DPP10: variants seen among roughly 807,000 people sequenced by gnomAD.
DPP10 encodes inactive dipeptidyl peptidase 10.
In DPP10, 33 loss-of-function variants were observed where a neutral mutation model predicts 120.9. The observed-to-expected ratio is 0.27, with a 90% CI of 0.21 to 0.37. The LOEUF is 0.37. Among genes scored for constraint, DPP10 ranks in the 10% least tolerant of loss-of-function variants. The pLI, the probability that DPP10 is intolerant of heterozygous loss-of-function variation, is 1.00. For missense variants in DPP10, 816 were observed against 942.8 expected, an observed-to-expected ratio of 0.87 and a Z score of 1.76; for synonymous variants, 337 against 326.1, an observed-to-expected ratio of 1.03 and a Z score of -0.36.
rs1036419601 is a variant in DPP10 at position 114,554,250 on chromosome 2, T to C, written c.60+111412T>C. On this transcript the variant is annotated intron_variant, in intron 1 of 25. Transcript: ENST00000410059. ...CAAGATACCTTAAGGGGCTTTCTCC[T>C]TAAGATGTCAACAACATCCACTGAG... is the stretch of plus-strand genomic sequence containing the variant. Among the ~76,000 whole-genome samples, 10 of 152,202 alleles carry C rather than the reference T, an allele frequency of 6.6e-5. 1 individual carries two copies. Among genetic ancestry groups the C allele is most frequent in the Admixed American group, 6.5e-4 (10 of 15,284 alleles).
At chr2:114,838,641 T>G (rs1687924150) in intron 1 of DPP10, among the ~76,000 whole-genome samples, 1 of 152,216 alleles carries the variant, frequency 6.6e-6, no homozygotes, top group Non-Finnish European at 1.5e-5. Flanking sequence ...TTTTAAAGTC[T>G]GATTTTTAAA....
chr2:114,999,495 A>C (rs1481966839), intron 1 of DPP10, among the ~76,000 whole-genome samples: 1 of 152,158 alleles, frequency 6.6e-6, no homozygotes, highest in Non-Finnish European at 1.5e-5. Flanking sequence ...AAGTTCTTAC[A>C]ACACCCTTGA....
At chr2:115,497,871 C>A (rs944653220) in intron 3 of DPP10, among the ~76,000 whole-genome samples, 1 of 151,658 alleles carries the variant, frequency 6.6e-6, no homozygotes, top group Non-Finnish European at 1.5e-5. Flanking sequence ...GAATATAAAT[C>A]AAAATAAATA....
intron 3 of DPP10, among the ~76,000 whole-genome samples, chr2:115,434,078 C>G (rs1229163430): frequency 6.6e-6 from 1 of 151,772 alleles, no homozygotes; most frequent in Admixed American, 6.6e-5. Context: ...ATATTAAGGG[C>G]TTCTGAAAAA....
At chr2:115,834,552 T>A (rs1049344139) in intron 21 of DPP10, among the ~76,000 whole-genome samples, 1 of 151,132 alleles carries the variant, frequency 6.6e-6, no homozygotes, top group African/African-American at 2.4e-5. Flanking sequence ...CCTCTGGAAC[T>A]TTTCTAGTCA....
At chr2:115,076,903 T>C (rs539474457) in intron 1 of DPP10, among the ~76,000 whole-genome samples, 1 of 152,274 alleles carries the variant, frequency 6.6e-6, no homozygotes. Context: ...TGTTCACTTT[T>C]ACTATCACAC....
chr2:114,705,811 C>T (rs985317128), intron 1 of DPP10, among the ~76,000 whole-genome samples: 1 of 151,970 alleles, frequency 6.6e-6, no homozygotes, highest in Admixed American at 6.6e-5. Context: ...GCTATATTGC[C>T]CTAATTACCA....
chr2:114,743,377 G>A (rs1463496272), intron 1 of DPP10, among the ~76,000 whole-genome samples: 1 of 150,244 alleles, frequency 6.7e-6, no homozygotes, highest in Non-Finnish European at 1.5e-5. Context: ...TTTGCTTGAA[G>A]TTTCTTTTTT....
At chr2:115,271,175 A>C (rs2059685488) in intron 1 of DPP10, among the ~76,000 whole-genome samples, 1 of 152,226 alleles carries the variant, frequency 6.6e-6, no homozygotes, top group Admixed American at 6.5e-5. Context: ...TCTTCTTTTT[A>C]GAGGAAATTA....
rs548283127 is a variant in DPP10, at chr2:114,460,618, G to C, written c.60+17780G>C. Among the ~76,000 whole-genome samples, 4 of 152,058 alleles carry C rather than the reference G, an allele frequency of 2.6e-5. No individual in the cohort carries two copies. The South Asian group carries it at 8.3e-4, about 32-fold the overall frequency. On this transcript the variant is annotated intron_variant, in intron 1 of 25. Coordinates refer to ENST00000410059, the MANE Select transcript of DPP10 (RefSeq NM_020868.6). ...CATTTTATGGAAAATATAGAATACT[G>C]TGTGTTACTTTTATTTATTCATTAT...
chr2:115,277,929 T>G (rs111985437), intron 1 of DPP10, among the ~76,000 whole-genome samples: 222 of 152,310 alleles, frequency 1.5e-3, no homozygotes, highest in African/African-American at 5.2e-3. Context: ...ACATGCAAGA[T>G]GATGTTGACT....
intron 3 of DPP10, among the ~76,000 whole-genome samples, chr2:115,421,307 G>A (rs1158499173): frequency 6.6e-6 from 1 of 152,094 alleles, no homozygotes; most frequent in Admixed American, 6.6e-5. Flanking sequence ...GCCATGTTCA[G>A]TGGTTGTAAA....
intron 1 of DPP10, among the ~76,000 whole-genome samples, chr2:114,573,987 G>A (rs1208659962): frequency 6.6e-6 from 1 of 152,142 alleles, no homozygotes; most frequent in Non-Finnish European, 1.5e-5. Context: ...TGGTGAAAGA[G>A]GAATCATGAC....
chr2:115,185,215 G>A (rs761820159), intron 1 of DPP10, among the ~76,000 whole-genome samples: 26 of 148,324 alleles, frequency 1.8e-4, no homozygotes, highest in African/African-American at 4.2e-4. Flanking sequence ...TCAGGGGTTC[G>A]CTTTTATAGT....
chr2:115,039,880 C>A (rs1451660203), intron 1 of DPP10, among the ~76,000 whole-genome samples: 1 of 152,028 alleles, frequency 6.6e-6, no homozygotes, highest in African/African-American at 2.4e-5. Context: ...CCACACCCAG[C>A]AGCCTCAGGA....
chr2:114,796,941 G>T, intron 1 of DPP10, among the ~76,000 whole-genome samples: 1 of 152,150 alleles, frequency 6.6e-6, no homozygotes, highest in East Asian at 1.9e-4. Flanking sequence ...AATTGTAATG[G>T]AGACAGAAAT....
In DPP10 at chr2:114,974,728, A is replaced by G. The variant is rs542314949; in HGVS notation, c.61-334511A>G. On this transcript the variant is annotated intron_variant, in intron 1 of 25. Transcript: ENST00000410059. ...AGCCGGGATATAAGCTAGATCCTAT[A>G]TAGAAGGTAGTGGTCTATACACCTT... is the stretch of plus-strand genomic sequence containing the variant. Among the ~76,000 whole-genome samples the G allele has an allele frequency of 3.3e-5, 5 of 152,030 alleles. No homozygotes were observed. The South Asian group carries it at 1.0e-3, about 32-fold the overall frequency.
intron 1 of DPP10, among the ~76,000 whole-genome samples, chr2:114,859,645 A>G (rs1000706581): frequency 1.3e-5 from 2 of 152,200 alleles, no homozygotes; most frequent in Non-Finnish European, 2.9e-5. Flanking sequence ...CCCACAGTAC[A>G]CAAATATGCA....
chr2:115,724,467 T>C (rs1277531743), intron 7 of DPP10, among the ~76,000 whole-genome samples: 3 of 152,246 alleles, frequency 2.0e-5, no homozygotes, highest in Non-Finnish European at 4.4e-5. Context: ...CCTTGAAACA[T>C]TTATGACATA....
Sources: gnomAD v4.1 joint callset for allele counts (sites outside exome capture counted in the v4.1 genomes callset) on GRCh38, gnomAD v4.1.1 for gene constraint, MANE v1.5 for transcripts, NCBI Gene and HGNC (gene_info 2026-07-23, HGNC 2026-07-21) for gene names.